SH3BP5: variants seen among roughly 807,000 people sequenced by gnomAD.
SH3BP5 encodes SH3 domain-binding protein 5.
SH3BP5 carries 22 observed loss-of-function variants against 43.3 expected under a neutral mutation model. That is an observed-to-expected ratio of 0.51 (90% CI 0.36 to 0.73). The LOEUF (loss-of-function observed/expected upper bound fraction) is 0.73, where lower values mean the gene tolerates loss of function less well. Among genes scored for constraint, SH3BP5 ranks in the 30% least tolerant of loss-of-function variants. SH3BP5 has a pLI of 0.00. For synonymous variants in SH3BP5, 255 were observed against 225.8 expected (o/e 1.13, Z -1.16); for missense variants, 529 against 586.9 (o/e 0.90, Z 1.02).
At chr3:15,278,421 G>A (rs1214668669) in intron 3 of SH3BP5, among the ~76,000 whole-genome samples, 1 of 152,138 alleles carries the variant, frequency 6.6e-6, no homozygotes, top group Non-Finnish European at 1.5e-5. Context: ...CCTATATTCT[G>A]AGGAATCCCA....
intron 3 of SH3BP5, among the ~76,000 whole-genome samples, chr3:15,282,926 A>G (rs1697168534): frequency 6.6e-6 from 1 of 152,166 alleles, no homozygotes; most frequent in South Asian, 2.1e-4. Context: ...TTCCATAATA[A>G]AAAGTTGTAA....
chr3:15,286,973 T>C (rs1697282970), intron 3 of SH3BP5, among the ~76,000 whole-genome samples: 1 of 152,218 alleles, frequency 6.6e-6, no homozygotes, highest in African/African-American at 2.4e-5. Context: ...GGCAGGCTTC[T>C]TGACCCATGG....
chr3:15,283,731 A>G (rs1367382970), intron 3 of SH3BP5, among the ~76,000 whole-genome samples: 4 of 152,198 alleles, frequency 2.6e-5, no homozygotes, highest in Non-Finnish European at 1.5e-5. Flanking sequence ...AAAGCACTAA[A>G]TCAGGATAGA....
chr3:15,257,560 G>C (rs1174955688), intron 7 of SH3BP5: 1 of 157,352 alleles, frequency 6.4e-6, no homozygotes, highest in Non-Finnish European at 1.4e-5. Context: ...GCTGCTAGAA[G>C]AAACAGGCCA....
chr3:15,276,908 T>C (rs899198201), intron 3 of SH3BP5, among the ~76,000 whole-genome samples: 11 of 152,172 alleles, frequency 7.2e-5, no homozygotes, highest in Non-Finnish European at 1.6e-4. Flanking sequence ...ATCATTTAAG[T>C]CTCAAAATAA....
At chr3:15,291,197 TA>T (rs1697404115) in intron 3 of SH3BP5, among the ~76,000 whole-genome samples, 1 of 152,236 alleles carries the variant, frequency 6.6e-6, no homozygotes. Context: ...GCATGCTTTT[TA>T]GTATCACTCA....
Position 15,262,140 on chromosome 3 carries a change from A to G in SH3BP5, c.626+19T>C. ...TAGGACAGCCGCACGGCCCCAGGGA[A>G]GGCCCTGTCCAGACTTACTTGGACT... On this transcript the variant is annotated intron_variant, in intron 5 of 8. Coordinates refer to ENST00000383791, the MANE Select transcript of SH3BP5 (RefSeq NM_004844.5). The G allele has an allele frequency of 6.2e-7, 1 of 1,612,892 alleles. No individual in the cohort carries two copies. Among genetic ancestry groups the G allele is most frequent in the Admixed American group, 1.7e-5 (1 of 59,998 alleles).
Position 15,325,198 on chromosome 3 carries a change from CTGTTT to C in SH3BP5, c.201+5301_201+5305del, listed in dbSNP as rs140627741. ...GACTTAGAAATTCTCAGTGTGGCTT[CTGTTT>C]TAACAAACATTTGAAAAGAGACAGA... On this transcript the variant is annotated intron_variant, in intron 2 of 8. Transcript: ENST00000383791. Among the ~76,000 whole-genome samples the C allele has an allele frequency of 7.8e-3, 1,182 of 152,344 alleles. 23 individuals carry two copies. Among genetic ancestry groups the C allele is most frequent in the African/African-American group, 0.027 (1,130 of 41,570 alleles).
At chr3:15,265,838 C>T (rs184527268) in intron 4 of SH3BP5, among the ~76,000 whole-genome samples, 1 of 152,236 alleles carries the variant, frequency 6.6e-6, no homozygotes, top group Non-Finnish European at 1.5e-5. Context: ...CACAGAGATA[C>T]TGCTCAGCCC....
At chr3:15,300,831 C>T (rs1401124324) in intron 3 of SH3BP5, among the ~76,000 whole-genome samples, 1 of 152,160 alleles carries the variant, frequency 6.6e-6, no homozygotes, top group Non-Finnish European at 1.5e-5. Context: ...GGAGGGCTTG[C>T]AGGCATAAAG....
intron 2 of SH3BP5, among the ~76,000 whole-genome samples, chr3:15,324,856 CAAA>C (rs373214083): frequency 7.0e-5 from 8 of 114,202 alleles, no homozygotes; most frequent in Non-Finnish European, 3.7e-5. Context: ...TCCTTGGGTC[CAAA>C]AAAAAAAAAA....
chr3:15,321,417 C>T (rs536375965), intron 2 of SH3BP5, among the ~76,000 whole-genome samples: 2 of 152,170 alleles, frequency 1.3e-5, no homozygotes, highest in East Asian at 3.9e-4. Context: ...GTTTTATCTA[C>T]AATTAAGGCA....
intron 8 of SH3BP5, 56 bp downstream of exon 8, chr3:15,256,797 G>A: frequency 6.5e-7 from 1 of 1,547,470 alleles, no homozygotes; most frequent in Non-Finnish European, 8.8e-7. Flanking sequence ...TGGCACAACA[G>A]TCAGGCTACA....
intron 3 of SH3BP5, among the ~76,000 whole-genome samples, chr3:15,287,521 C>T (rs927765316): frequency 6.6e-6 from 1 of 152,024 alleles, no homozygotes; most frequent in East Asian, 1.9e-4. Flanking sequence ...CTATCTGCAC[C>T]GTCCCAAAAT....
Position 15,324,207 on chromosome 3 carries a change from G to A in SH3BP5, c.201+6297C>T, listed in dbSNP as rs115245844. On this transcript the variant is annotated intron_variant, in intron 2 of 8. Coordinates refer to ENST00000383791, the MANE Select transcript of SH3BP5 (RefSeq NM_004844.5). ...AGCTCTCTTCCTCCTCCACTTTAAG[G>A]CTGATGTTATCTCTTCAGACTATCT... is the stretch of plus-strand genomic sequence containing the variant. 5.1e-3 allele frequency among the ~76,000 whole-genome samples: 781 copies of A among 152,256 alleles called. 3 individuals carry two copies. Among genetic ancestry groups the A allele is most frequent in the African/African-American group, 0.017 (723 of 41,544 alleles).
rs1268902560 is a variant in SH3BP5, at chr3:15,258,908, C to A, written c.812G>T (p.Cys271Phe). ...RRSSAMGPRG[C>F]GVGAEGSSTS... ...GCTGCTGCCCTCAGCACCAACACCG[C>A]ATCCCCGAGGCCCCATGGCACTGGA... Residue 271 changes from cysteine to phenylalanine, a missense_variant, in exon 7 of 9, where the codon TGC becomes TTC. Cys to Phe is a radical substitution (Grantham distance 205, BLOSUM62 -2). Around this residue, in one of 3 missense-constraint regions of SH3BP5, gnomAD observed 369 missense variants for 384.3 expected, o/e 0.96. Coordinates refer to ENST00000383791, the MANE Select transcript of SH3BP5 (RefSeq NM_004844.5). The A allele has an allele frequency of 1.2e-6, 2 of 1,614,276 alleles. No individual in the cohort carries two copies. Among genetic ancestry groups the A allele is most frequent in the Non-Finnish European group, 1.7e-6 (2 of 1,180,046 alleles).
intron 2 of SH3BP5, among the ~76,000 whole-genome samples, chr3:15,327,191 C>T (rs183552648): frequency 1.3e-5 from 2 of 151,606 alleles, no homozygotes; most frequent in Admixed American, 6.6e-5. Flanking sequence ...TCAAGACCAG[C>T]CAGTTCGAGA....
chr3:15,332,136 T>C, intron 1 of SH3BP5, 135 bp downstream of exon 1: 1 of 1,375,892 alleles, frequency 7.3e-7, no homozygotes. Context: ...ATACAGACCG[T>C]CTCCTGCCAC....
At chr3:15,302,737 T>C (rs541370020) in intron 3 of SH3BP5, among the ~76,000 whole-genome samples, 2 of 152,164 alleles carry the variant, frequency 1.3e-5, no homozygotes, top group Admixed American at 6.5e-5. Flanking sequence ...TCCCCCACAG[T>C]GCACAACACA....
Sources: allele counts gnomAD v4.1 joint callset (sites outside exome capture counted in the v4.1 genomes callset), GRCh38; gene constraint gnomAD v4.1.1; regional missense constraint gnomAD v4.1.1; transcripts MANE v1.5; gene names NCBI Gene and HGNC (gene_info 2026-07-23, HGNC 2026-07-21).